Variants in NFIC observed in about 807,000 individuals in gnomAD.
The protein encoded by NFIC is nuclear factor 1 C-type.
Under a neutral mutation model 54.4 loss-of-function variants are expected in NFIC, and 12 were observed. The observed-to-expected ratio is 0.22, with a 90% CI of 0.14 to 0.36. The LOEUF (loss-of-function observed/expected upper bound fraction) is 0.36, where lower values mean the gene tolerates loss of function less well. Ranked by LOEUF, NFIC falls within the 10% of genes least tolerant of loss-of-function variation. The probability of loss-of-function intolerance (pLI) is 1.00; values close to 1 mark genes in which losing one functional copy is unlikely to be tolerated. For missense variants in NFIC, 575 were observed against 718.2 expected (o/e 0.80, Z 2.28); for synonymous variants, 322 against 319.2 (o/e 1.01, Z -0.09).
intron 2 of NFIC, chr19:3,410,914 C>T (rs1014624137): frequency 3.3e-5 from 5 of 152,262 alleles, no homozygotes; most frequent in South Asian, 4.1e-4. Flanking sequence ...GGAACTCCAT[C>T]GAACGCAGGT....
At chr19:3,366,069 G>A (rs1388524060), upstream of NFIC, among the ~76,000 whole-genome samples, 2 of 148,878 alleles carry the variant, frequency 1.3e-5, no homozygotes, top group Admixed American at 6.6e-5. Context: ...CCAACTTCCC[G>A]GCCAGCTCGG....
rs2082610259 is a variant in NFIC at position 3,459,513 on chromosome 19, A to C, written c.1509+2878A>C. Among the ~76,000 whole-genome samples, 1 of 152,174 alleles carries C rather than the reference A, an allele frequency of 6.6e-6. No individual in the cohort carries two copies. The highest frequency in any genetic ancestry group is 2.4e-5 in the African/African-American group (1 of 41,444). ...TGCCGGGAGCCACACAGGCGGCTGC[A>C]GCCAGGCCAGCAGGATACCAGAGCC... On this transcript the variant is annotated intron_variant, in intron 10 of 10. Coordinates refer to ENST00000443272, the MANE Select transcript of NFIC (RefSeq NM_001245002.2). This position sits in a 1 kb window ranked among gnomAD's most constrained non-coding sequence, Gnocchi z 4.2.
In NFIC at chr19:3,464,550, AC is replaced by A; in HGVS notation, c.*1783del. The stretch of plus-strand genomic sequence containing the variant: ...GGCCCACCCAGCCCAGCCCCAACTG[AC>A]CTCCATGCCTAGGGAAAAACTCCCC... On this transcript the variant is annotated 3_prime_UTR_variant, in exon 11 of 11. Transcript: ENST00000443272. 1.2e-6 allele frequency: 1 copy of A among 847,114 alleles called. No individual in the cohort carries two copies. The allele number at this position is 847,114 out of a possible 1,614,324, so 52.5% of individuals were successfully genotyped here.
In NFIC at chr19:3,463,062, C is replaced by T. The variant is rs2082664738; in HGVS notation, c.*293C>T. ...ACGCCAAGGCCGCAGGACTGGAGGG[C>T]CAGGCCCCGCCACCCCCACGGGAGA... On this transcript the variant is annotated 3_prime_UTR_variant, in exon 11 of 11. Coordinates refer to ENST00000443272, the MANE Select transcript of NFIC (RefSeq NM_001245002.2). 1.5e-6 allele frequency: 2 copies of T among 1,316,738 alleles called. No homozygotes were observed. The highest frequency in any genetic ancestry group is 9.7e-7 in the Non-Finnish European group (1 of 1,035,176). The allele number at this position is 1,316,738 out of a possible 1,614,324, so 81.6% of individuals were successfully genotyped here. A position where few individuals can be genotyped will look rare whatever the true frequency, so the allele number is the denominator to read the frequency against.
At chr19:3,420,959 G>C (rs578191502) in intron 2 of NFIC, among the ~76,000 whole-genome samples, 1 of 152,260 alleles carries the variant, frequency 6.6e-6, no homozygotes, top group African/African-American at 2.4e-5. Context: ...CTGACCTTAG[G>C]TGATCCACCC....
chr19:3,421,728 C>T (rs1380938223), intron 2 of NFIC, among the ~76,000 whole-genome samples: 2 of 152,176 alleles, frequency 1.3e-5, no homozygotes, highest in South Asian at 2.1e-4. Context: ...AGGCTCCGTG[C>T]GCTAGGAAAT....
Position 3,463,132 on chromosome 19 carries a change from T to G in NFIC, c.*363T>G. On this transcript the variant is annotated 3_prime_UTR_variant, in exon 11 of 11. Transcript: ENST00000443272. ...CTAAGTTATTCATCTCCTCTCCGCC[T>G]GCTGCTCGGGAAGGACAGACGCCGG... 1 of 1,134,162 alleles carries G rather than the reference T, an allele frequency of 8.8e-7. No homozygotes were observed. Among genetic ancestry groups the G allele is most frequent in the Non-Finnish European group, 1.1e-6 (1 of 923,850 alleles). 70.3% of individuals were successfully genotyped at this position (1,134,162 alleles called of 1,614,324 possible).
intron 6 of NFIC, among the ~76,000 whole-genome samples, chr19:3,445,446 C>T (rs1384820174): frequency 6.6e-6 from 1 of 152,180 alleles, no homozygotes; most frequent in Admixed American, 6.5e-5. Flanking sequence ...TGAGTGTTCA[C>T]AGGCTGGGCA....
intron 2 of NFIC, among the ~76,000 whole-genome samples, chr19:3,393,580 C>T (rs144864062): frequency 1.5e-3 from 221 of 151,416 alleles, no homozygotes; most frequent in African/African-American, 5.1e-3. Context: ...TTTGGGAGAC[C>T]GAGGAGGGCA....
chr19:3,417,077 G>A lies in NFIC; in HGVS notation c.563-8029G>A, dbSNP rs539940785. On this transcript the variant is annotated intron_variant, in intron 2 of 10. Transcript: ENST00000443272. ...TTTTTTTGTATTTTTAGTAGAGATGGGGTTTCACCATGTTAGCCAGGATGG... is the reference window on the plus strand; with the variant it reads ...TTTTTTTGTATTTTTAGTAGAGATGAGGTTTCACCATGTTAGCCAGGATGG... 5.0e-3 allele frequency among the ~76,000 whole-genome samples: 754 copies of A among 150,842 alleles called. 5 individuals carry two copies. Among genetic ancestry groups the A allele is most frequent in the Middle Eastern group, 0.01 (3 of 288 alleles).
chr19:3,385,154 T>C (rs867655138), intron 2 of NFIC, among the ~76,000 whole-genome samples: 1 of 149,412 alleles, frequency 6.7e-6, no homozygotes. Context: ...CTGCTTCAAT[T>C]GGCCCCAGCA....
At position 3,465,899 on chromosome 19, in the gene NFIC, C is replaced by G. The variant is rs895216584; in HGVS notation, c.*3130C>G. Reference sequence around the variant, plus strand: ...CCCCCTCTCCCCTGCCCCGTGCATCCCCACCCTTCTTGCCAAAGGACCTCT... The same window carrying G: ...CCCCCTCTCCCCTGCCCCGTGCATCGCCACCCTTCTTGCCAAAGGACCTCT... On this transcript the variant is annotated 3_prime_UTR_variant, in exon 11 of 11. Transcript: ENST00000443272. The G allele has an allele frequency of 6.6e-6, 1 of 152,292 alleles. No individual in the cohort carries two copies. The highest frequency in any genetic ancestry group is 1.5e-5 in the Non-Finnish European group (1 of 68,104). 9.4% of individuals were successfully genotyped at this position (152,292 alleles called of 1,614,324 possible). A position where few individuals can be genotyped will look rare whatever the true frequency, so the allele number is the denominator to read the frequency against.
chr19:3,432,644 G>T (rs2082137996), intron 3 of NFIC, among the ~76,000 whole-genome samples: 1 of 151,298 alleles, frequency 6.6e-6, no homozygotes, highest in Admixed American at 6.6e-5. Context: ...TGGAGCCGAT[G>T]TGAGCCCAGG....
rs770140615 is a variant in NFIC, at chr19:3,425,196, T to C, written c.634+19T>C. 1 of 1,606,138 alleles carries C rather than the reference T, an allele frequency of 6.2e-7. No homozygotes were observed. Among genetic ancestry groups the C allele is most frequent in the African/African-American group, 1.3e-5 (1 of 74,848 alleles). ...ACGCTGGGTGAGTCTGGGGGCAGCG[T>C]GGCGGTGAAGGGCGGAGGGCGCAGC... On this transcript the variant is annotated intron_variant, in intron 3 of 10. Transcript: ENST00000443272.
chr19:3,362,078 G>A (rs902475425), upstream of NFIC, among the ~76,000 whole-genome samples: 6 of 152,182 alleles, frequency 3.9e-5, no homozygotes, highest in East Asian at 1.9e-4. Flanking sequence ...TCCCCACCGC[G>A]TTTCTGCAGG....
intron 2 of NFIC, among the ~76,000 whole-genome samples, chr19:3,392,196 C>T (rs187373671): frequency 2.6e-5 from 4 of 151,644 alleles, no homozygotes; most frequent in South Asian, 2.1e-4. Flanking sequence ...CTCAACCTCC[C>T]GAATAGCTGG....
intron 1 of NFIC, among the ~76,000 whole-genome samples, chr19:3,367,385 C>CCGGGAGGAG (rs2080911477): frequency 6.6e-6 from 1 of 152,132 alleles, no homozygotes; most frequent in South Asian, 2.1e-4. Context: ...GGAGCCGCCG[C>CCGGGAGGAG]CGGGAGGAGC....
At chr19:3,429,978 A>G (rs560984734) in intron 3 of NFIC, among the ~76,000 whole-genome samples, 1 of 152,090 alleles carries the variant, frequency 6.6e-6, no homozygotes, top group South Asian at 2.1e-4. Context: ...CCTCTTATCC[A>G]GTCTCATCTT....
At chr19:3,413,401 C>G (rs1452535930) in intron 2 of NFIC, among the ~76,000 whole-genome samples, 1 of 152,140 alleles carries the variant, frequency 6.6e-6, no homozygotes, top group Non-Finnish European at 1.5e-5. Context: ...AGCAAAGGCT[C>G]AACTGTGAGA....
Sources: gnomAD v4.1 joint callset for allele counts (sites outside exome capture counted in the v4.1 genomes callset) on GRCh38, gnomAD v4.1.1 for gene constraint, Gnocchi (gnomAD v3.1) non-coding constraint, MANE v1.5 for transcripts, NCBI Gene and HGNC (gene_info 2026-07-23, HGNC 2026-07-21) for gene names.